Variants in MDGA2 observed in about 807,000 individuals in gnomAD.
MDGA2 encodes the protein MAM domain-containing glycosylphosphatidylinositol anchor protein 2.
In MDGA2, 40 loss-of-function variants were observed where a neutral mutation model predicts 117.8. That is an observed-to-expected ratio of 0.34 (90% CI 0.26 to 0.44). The LOEUF is 0.44. MDGA2 is among the 20% of genes least tolerant of loss of function. The pLI is 1.00. For synonymous variants in MDGA2, 452 were observed against 439.0 expected (o/e 1.03, Z -0.37); for missense variants, 1,123 against 1,250.6 (o/e 0.90, Z 1.54).
At chr14:47,515,092 T>C (rs1351149736) in intron 1 of MDGA2, among the ~76,000 whole-genome samples, 1 of 152,208 alleles carries the variant, frequency 6.6e-6, no homozygotes, top group Non-Finnish European at 1.5e-5. Flanking sequence ...AGTAGAAAAG[T>C]GGCTCTGCCA....
chr14:46,948,385 G>A (rs1954232), intron 9 of MDGA2, among the ~76,000 whole-genome samples: 72,875 of 151,662 alleles, frequency 0.48, 18,152 homozygotes, highest in African/African-American at 0.56. Flanking sequence ...TTAGGTAAAG[G>A]GAAGGAGTGC....
intron 8 of MDGA2, among the ~76,000 whole-genome samples, chr14:46,962,438 C>G (rs751616655): frequency 2.0e-5 from 3 of 152,134 alleles, no homozygotes; most frequent in Admixed American, 2.0e-4. Flanking sequence ...GATCCCTCCC[C>G]TAGTGAATAT....
chr14:47,221,132 G>C (rs1886283908), intron 2 of MDGA2, among the ~76,000 whole-genome samples: 1 of 143,976 alleles, frequency 6.9e-6, no homozygotes, highest in Non-Finnish European at 1.5e-5. Context: ...AAAACCAAAA[G>C]GACATAGAAT....
Position 47,169,348 on chromosome 14 carries a change from G to A in MDGA2, c.596-25074C>T, listed in dbSNP as rs1434949905. On this transcript the variant is annotated intron_variant, in intron 3 of 16. Transcript: ENST00000399232. ...ATTAATTAATTATACAAGGAATTGT[G>A]AGCCAATGGCTTATATGATGTTACC... Among the ~76,000 whole-genome samples the A allele has an allele frequency of 2.0e-5, 3 of 151,640 alleles. No homozygotes were observed. The East Asian group carries it at 5.8e-4, about 29-fold the overall frequency.
intron 8 of MDGA2, among the ~76,000 whole-genome samples, chr14:46,959,475 T>G (rs1885706065): frequency 6.6e-6 from 1 of 152,128 alleles, no homozygotes; most frequent in African/African-American, 2.4e-5. Context: ...AGCACCTCTT[T>G]TAAACATCAT....
chr14:46,957,570 T>C lies in MDGA2; in HGVS notation c.1893A>G (p.Arg631=). ...GQDRSVTMSC[R]VLRAYPIRVL... ...CCCGTATTGGATAGGCTCTCAGTAC[T>C]CTGCAACTCATAGTGACACTTCGAT... Residue 631 remains arginine (R), a synonymous_variant, in exon 9 of 17, where the codon AGA becomes AGG. Transcript: ENST00000399232. 6.2e-7 allele frequency: 1 copy of C among 1,614,190 alleles called. No individual in the cohort carries two copies.
At chr14:47,307,923 G>T (rs1180104626) in intron 1 of MDGA2, among the ~76,000 whole-genome samples, 2 of 152,068 alleles carry the variant, frequency 1.3e-5, no homozygotes, top group East Asian at 3.9e-4. Context: ...CTTAACTAGA[G>T]AAGCTAAAGA....
At chr14:47,375,365 A>G (rs1891454357) in intron 1 of MDGA2, among the ~76,000 whole-genome samples, 1 of 152,002 alleles carries the variant, frequency 6.6e-6, no homozygotes, top group Non-Finnish European at 1.5e-5. Flanking sequence ...CTCCTTAAAA[A>G]TCTTCAATGG....
chr14:47,257,837 C>G (rs938298295), intron 2 of MDGA2, among the ~76,000 whole-genome samples: 5 of 152,134 alleles, frequency 3.3e-5, no homozygotes, highest in Non-Finnish European at 7.4e-5. Context: ...TCTCCACATA[C>G]TTCTTGTTCA....
intron 3 of MDGA2, among the ~76,000 whole-genome samples, chr14:47,163,801 T>C (rs1445866166): frequency 6.6e-6 from 1 of 152,196 alleles, no homozygotes; most frequent in African/African-American, 2.4e-5. Context: ...TCCAGTGGCA[T>C]ATGGTGACAG....
chr14:47,254,102 C>A (rs1026259043), intron 2 of MDGA2, among the ~76,000 whole-genome samples: 8 of 152,276 alleles, frequency 5.3e-5, no homozygotes, highest in East Asian at 1.9e-4. Context: ...CCCACACAAC[C>A]ATTTTTCCCT....
chr14:47,478,233 G>A (rs1235788994), intron 1 of MDGA2, among the ~76,000 whole-genome samples: 1 of 152,130 alleles, frequency 6.6e-6, no homozygotes, highest in Non-Finnish European at 1.5e-5. Flanking sequence ...GAGCTTTCTT[G>A]TGTTACTTGA....
intron 8 of MDGA2, among the ~76,000 whole-genome samples, chr14:46,963,851 G>T (rs1443548261): frequency 1.3e-5 from 2 of 152,020 alleles, no homozygotes; most frequent in Non-Finnish European, 2.9e-5. Flanking sequence ...CATTATAATT[G>T]GTGATATATC....
intron 9 of MDGA2, among the ~76,000 whole-genome samples, chr14:46,929,601 G>GTGTGTGTATA (rs1398520996): frequency 7.9e-5 from 1 of 12,674 alleles, no homozygotes; most frequent in African/African-American, 2.1e-4. Context: ...GTGTGTGTGT[G>GTGTGTGTATA]TATATATATA....
intron 1 of MDGA2, among the ~76,000 whole-genome samples, chr14:47,575,307 A>G (rs556024160): frequency 6.6e-6 from 1 of 152,344 alleles, no homozygotes; most frequent in Non-Finnish European, 1.5e-5. Flanking sequence ...TATGATTTTC[A>G]TCATTTTAAT....
At position 47,135,269 on chromosome 14, in the gene MDGA2, T is replaced by C. The variant is rs1340642810; in HGVS notation, c.793-3423A>G. ...TTGGTTGTTTTACCATTGAATATTC[T>C]AGTTACTGAAGTCTGCAACCTTTTA... On this transcript the variant is annotated intron_variant, in intron 4 of 16. Coordinates refer to ENST00000399232, the MANE Select transcript of MDGA2 (RefSeq NM_001113498.3). 1.3e-5 allele frequency among the ~76,000 whole-genome samples: 2 copies of C among 152,126 alleles called. 1 individual carries two copies. The highest frequency in any genetic ancestry group is 1.3e-4 in the Admixed American group (2 of 15,254).
chr14:47,189,752 T>C (rs1327731500), intron 3 of MDGA2, among the ~76,000 whole-genome samples: 1 of 152,184 alleles, frequency 6.6e-6, no homozygotes, highest in Non-Finnish European at 1.5e-5. Context: ...AGACAGAACT[T>C]AGATACATGA....
intron 1 of MDGA2, among the ~76,000 whole-genome samples, chr14:47,609,446 T>TATATATATATATAC (rs1896804288): frequency 1.0e-5 from 1 of 96,194 alleles, no homozygotes; most frequent in South Asian, 3.1e-4. Context: ...TATATATATA[T>TATATATATATATAC]ATATATATAT....
intron 1 of MDGA2, among the ~76,000 whole-genome samples, chr14:47,402,739 C>T (rs1201188623): frequency 6.6e-6 from 1 of 152,036 alleles, no homozygotes; most frequent in Non-Finnish European, 1.5e-5. Context: ...CTAAAATTTG[C>T]ATGGAATAGG....
Sources: gnomAD v4.1 joint callset for allele counts (sites outside exome capture counted in the v4.1 genomes callset) on GRCh38, gnomAD v4.1.1 for gene constraint, MANE v1.5 for transcripts, NCBI Gene and HGNC (gene_info 2026-07-23, HGNC 2026-07-21) for gene names.